ADAT2: variants seen among roughly 807,000 people sequenced by gnomAD.
ADAT2 encodes the protein tRNA-specific adenosine-34 deaminase catalytic subunit ADAT2.
ADAT2 carries 26 observed loss-of-function variants against 25.9 expected under a neutral mutation model. The ratio of observed to expected loss-of-function variants is 1.00; its 90% confidence interval spans 0.74 to 1.39. The LOEUF is 1.39. ADAT2 is among the 40% of genes most tolerant of loss of function. The pLI, the probability that ADAT2 is intolerant of heterozygous loss-of-function variation, is 0.00. For missense variants in ADAT2, 220 were observed against 244.8 expected (o/e 0.90, Z 0.68); for synonymous variants, 76 against 86.8 (o/e 0.88, Z 0.69).
chr6:143,443,520 G>A (rs1779519741), intron 1 of ADAT2, among the ~76,000 whole-genome samples: 2 of 152,146 alleles, frequency 1.3e-5, no homozygotes, highest in South Asian at 4.2e-4. Context: ...AACACAGCAA[G>A]ACCCCATCTC....
At chr6:143,443,150 A>AT (rs11440192) in intron 1 of ADAT2, among the ~76,000 whole-genome samples, 55,642 of 151,392 alleles carry the variant, frequency 0.37, 10,566 homozygotes, top group East Asian at 0.5. Context: ...GCACAGGGAG[A>AT]TTTTTTTTTA....
In ADAT2 at chr6:143,440,814, G is replaced by A. The variant is rs985766872; in HGVS notation, c.97-2120C>T. On this transcript the variant is annotated intron_variant, in intron 1 of 5. Transcript: ENST00000237283. The surrounding 1 kb of genome is among the most constrained non-coding windows in gnomAD (Gnocchi z 4.5). ...TATTATACTAAGAATTTTATTTAAG[G>A]TAAGTGTAGAATTACACAGAGATCA... Among the ~76,000 whole-genome samples the A allele has an allele frequency of 2.0e-5, 3 of 152,182 alleles. No individual in the cohort carries two copies. The highest frequency in any genetic ancestry group is 7.2e-5 in the African/African-American group (3 of 41,442).
chr6:143,436,655 C>A lies in ADAT2; in HGVS notation c.201+1935G>T, dbSNP rs1179648253. 1 of 348,870 alleles carries A rather than the reference C, an allele frequency of 2.9e-6. No individual in the cohort carries two copies. Among genetic ancestry groups the A allele is most frequent in the Admixed American group, 2.8e-5 (1 of 36,002 alleles). The allele number at this position is 348,870 out of a possible 1,614,324, so 21.6% of individuals were successfully genotyped here. On this transcript the variant is annotated intron_variant, in intron 2 of 5. Coordinates refer to ENST00000237283, the MANE Select transcript of ADAT2 (RefSeq NM_182503.3). This position sits in a 1 kb window ranked among gnomAD's most constrained non-coding sequence, Gnocchi z 4.1. Reference sequence around the variant, plus strand: ...TCAGAGTACCAACAGTATCAGGATGCCACTGTTGAGGAGGAGGGAGAGTCT... The same window carrying A: ...TCAGAGTACCAACAGTATCAGGATGACACTGTTGAGGAGGAGGGAGAGTCT...
chr6:143,434,032 T>A lies in ADAT2; in HGVS notation c.202-51A>T, dbSNP rs767089780. 2 of 1,599,646 alleles carry A rather than the reference T, an allele frequency of 1.3e-6. No homozygotes were observed. Among genetic ancestry groups the A allele is most frequent in the Non-Finnish European group, 1.7e-6 (2 of 1,174,456 alleles). On this transcript the variant is annotated intron_variant, in intron 2 of 5. Transcript: ENST00000237283. The surrounding 1 kb of genome is among the most constrained non-coding windows in gnomAD (Gnocchi z 4.5). ...GATGCTGTTTGCTTCATGTGACTAC[T>A]ATTTTACAAATATACAAAAACTAAG...
rs1779608730 is a variant in ADAT2 at position 143,446,680 on chromosome 6, C to G, written c.96+3883G>C. On this transcript the variant is annotated intron_variant, in intron 1 of 5. Transcript: ENST00000237283. The surrounding 1 kb of genome is among the most constrained non-coding windows in gnomAD (Gnocchi z 5.0). ...GATATGTTGGCAAGCAGTGAGCTAC[C>G]TAACACCGAGAGGCAGGCCAGGCCA... is the stretch of plus-strand genomic sequence containing the variant. Among the ~76,000 whole-genome samples the G allele has an allele frequency of 6.6e-6, 1 of 151,920 alleles. No homozygotes were observed. Among genetic ancestry groups the G allele is most frequent in the African/African-American group, 2.4e-5 (1 of 41,334 alleles).
chr6:143,431,838 G>A (rs1047221817), intron 4 of ADAT2, among the ~76,000 whole-genome samples: 1 of 152,142 alleles, frequency 6.6e-6, no homozygotes, highest in African/African-American at 2.4e-5. Context: ...ACCAATTAAT[G>A]AAAGTAGGGG....
intron 4 of ADAT2, among the ~76,000 whole-genome samples, chr6:143,429,132 A>G (rs1019240288): frequency 2.0e-5 from 3 of 152,244 alleles, no homozygotes; most frequent in African/African-American, 4.8e-5. Flanking sequence ...CTAGTGGTCC[A>G]TTAAGCATTC....
At chr6:143,431,908 A>C (rs1475209119) in intron 4 of ADAT2, among the ~76,000 whole-genome samples, 1 of 152,202 alleles carries the variant, frequency 6.6e-6, no homozygotes, top group South Asian at 2.1e-4. Context: ...TGACCCATAA[A>C]AACTTTGGGA....
In ADAT2 at chr6:143,432,251, C is replaced by T. The variant is rs1025839346; in HGVS notation, c.459+254G>A. ...CCTAACGGTGTTGGTGAAGAGTGTT[C>T]GGAGTCAGCTGCGAAGGGTGGACTC... On this transcript the variant is annotated intron_variant, in intron 4 of 5. Coordinates refer to ENST00000237283, the MANE Select transcript of ADAT2 (RefSeq NM_182503.3). The surrounding 1 kb of genome is among the most constrained non-coding windows in gnomAD (Gnocchi z 4.4). Among the ~76,000 whole-genome samples the T allele has an allele frequency of 1.3e-5, 2 of 151,956 alleles. No homozygotes were observed. The highest frequency in any genetic ancestry group is 6.6e-5 in the Admixed American group (1 of 15,262).
In ADAT2 at chr6:143,436,318, A is replaced by AT. The variant is rs1779278227; in HGVS notation, c.201+2271dup. ...TGGCCTCTATCTAACAGAGGCTGCC[A>AT]TTTTCAGGGGCTGGATGTCCATGAG... On this transcript the variant is annotated intron_variant, in intron 2 of 5. Coordinates refer to ENST00000237283, the MANE Select transcript of ADAT2 (RefSeq NM_182503.3). This position sits in a 1 kb window ranked among gnomAD's most constrained non-coding sequence, Gnocchi z 4.1. 4.2e-6 allele frequency: 1 copy of AT among 238,358 alleles called. No homozygotes were observed. Among genetic ancestry groups the AT allele is most frequent in the East Asian group, 1.0e-4 (1 of 9,588 alleles). 14.8% of individuals were successfully genotyped at this position (238,358 alleles called of 1,614,324 possible).
rs1342824217 is a variant in ADAT2 at position 143,423,448 on chromosome 6, T to C, written c.*5015A>G. ...CGGGCTGGATATGGCCCATGGGCCA[T>C]ACTTTGTGGACTCCTGCTCTAGATT... is the stretch of plus-strand genomic sequence containing the variant. On this transcript the variant is annotated 3_prime_UTR_variant, in exon 6 of 6. Transcript: ENST00000237283. The C allele has an allele frequency of 6.6e-6, 1 of 152,240 alleles. No homozygotes were observed. The highest frequency in any genetic ancestry group is 1.9e-4 in the East Asian group (1 of 5,198). The allele number at this position is 152,240 out of a possible 1,614,324, so 9.4% of individuals were successfully genotyped here.
At position 143,438,703 on chromosome 6, in the gene ADAT2, CA is replaced by C; in HGVS notation, c.97-10del. Reference sequence around the variant, plus strand: ...TCGAGGGCTTCTTTGGCCTGAAACACAAAGTGGAAAATGTAAGACGTAATAC... The same window carrying C: ...TCGAGGGCTTCTTTGGCCTGAAACACAAGTGGAAAATGTAAGACGTAATAC... On this transcript the variant is annotated splice_polypyrimidine_tract_variant and intron_variant, in intron 1 of 5. Coordinates refer to ENST00000237283, the MANE Select transcript of ADAT2 (RefSeq NM_182503.3). 1 of 1,608,550 alleles carries C rather than the reference CA, an allele frequency of 6.2e-7. No individual in the cohort carries two copies. The highest frequency in any genetic ancestry group is 2.2e-5 in the East Asian group (1 of 44,834).
chr6:143,423,803 T>C lies in ADAT2; in HGVS notation c.*4660A>G, dbSNP rs146423476. On this transcript the variant is annotated 3_prime_UTR_variant, in exon 6 of 6. Transcript: ENST00000237283. ...CAAAAGTAGGGGATGAGAAATTTCA[T>C]AGATATTGGGGATGTGGGATTCTCT... The C allele has an allele frequency of 2.6e-5, 4 of 152,300 alleles. No individual in the cohort carries two copies. The East Asian group carries it at 5.8e-4, about 22-fold the overall frequency. 9.4% of individuals were successfully genotyped at this position (152,300 alleles called of 1,614,324 possible).
At chr6:143,430,791 T>G (rs1039568720) in intron 4 of ADAT2, among the ~76,000 whole-genome samples, 19 of 152,228 alleles carry the variant, frequency 1.2e-4, no homozygotes, top group African/African-American at 3.6e-4. Flanking sequence ...GGTCTCGATC[T>G]CCTGACCTCA....
chr6:143,429,626 G>A (rs12196227), intron 4 of ADAT2, among the ~76,000 whole-genome samples: 1 of 151,952 alleles, frequency 6.6e-6, no homozygotes, highest in Non-Finnish European at 1.5e-5. Flanking sequence ...GGAAGCATAA[G>A]GAAAGAAAGA....
In ADAT2 at chr6:143,427,163, G is replaced by T. The variant is rs1359336520; in HGVS notation, c.*1300C>A. ...ACCAAGCAATTATAAGTCCTCTGAA[G>T]CATGTAACTGTGATTAGCTGCTACT... On this transcript the variant is annotated 3_prime_UTR_variant, in exon 6 of 6. Coordinates refer to ENST00000237283, the MANE Select transcript of ADAT2 (RefSeq NM_182503.3). 2.1e-5 allele frequency: 3 copies of T among 140,188 alleles called. No homozygotes were observed. The highest frequency in any genetic ancestry group is 4.7e-5 in the Non-Finnish European group (3 of 63,642). The allele number at this position is 140,188 out of a possible 1,614,324, so 8.7% of individuals were successfully genotyped here. A position where few individuals can be genotyped will look rare whatever the true frequency, so the allele number is the denominator to read the frequency against.
chr6:143,428,335 G>A lies in ADAT2; in HGVS notation c.*128C>T. The A allele has an allele frequency of 9.6e-7, 1 of 1,040,260 alleles. No individual in the cohort carries two copies. The highest frequency in any genetic ancestry group is 1.4e-6 in the Non-Finnish European group (1 of 715,878). 64.4% of individuals were successfully genotyped at this position (1,040,260 alleles called of 1,614,324 possible). A position where few individuals can be genotyped will look rare whatever the true frequency, so the allele number is the denominator to read the frequency against. ...TTGTTCCCTTAACAGAGCAAATGATGAGAGACACCATTTTCCTGCAGATTA... is the reference window on the plus strand; with the variant it reads ...TTGTTCCCTTAACAGAGCAAATGATAAGAGACACCATTTTCCTGCAGATTA... On this transcript the variant is annotated 3_prime_UTR_variant, in exon 6 of 6. Transcript: ENST00000237283. This position sits in a 1 kb window ranked among gnomAD's most constrained non-coding sequence, Gnocchi z 5.0.
At chr6:143,447,324 C>T (rs1357639459) in intron 1 of ADAT2, among the ~76,000 whole-genome samples, 1 of 152,120 alleles carries the variant, frequency 6.6e-6, no homozygotes, top group Non-Finnish European at 1.5e-5. Context: ...ACAGGAATAT[C>T]TATATAATTT....
intron 1 of ADAT2, among the ~76,000 whole-genome samples, chr6:143,449,052 C>CTTTTT (rs145460814): frequency 2.0e-5 from 3 of 151,092 alleles, no homozygotes. Flanking sequence ...TACTTTGTAT[C>CTTTTT]TTTTTCTTTT....
Sources: allele counts gnomAD v4.1 joint callset (sites outside exome capture counted in the v4.1 genomes callset), GRCh38; gene constraint gnomAD v4.1.1; non-coding constraint Gnocchi (gnomAD v3.1); transcripts MANE v1.5; gene names NCBI Gene and HGNC (gene_info 2026-07-23, HGNC 2026-07-21).